Variants in FICD observed in about 807,000 individuals in gnomAD.
FICD encodes the protein FIC domain protein adenylyltransferase, also known as protein adenylyltransferase FICD.
A neutral mutation model predicts 28.0 loss-of-function variants in FICD; 13 were observed. The ratio of observed to expected loss-of-function variants is 0.46; its 90% CI spans 0.30 to 0.74. The LOEUF (loss-of-function observed/expected upper bound fraction) is 0.74, where lower values mean the gene tolerates loss of function less well. Ranked by LOEUF, FICD falls within the 30% of genes least tolerant of loss-of-function variation. The pLI is 0.07. For missense variants in FICD, 576 were observed against 624.5 expected (o/e 0.92, Z 0.83); for synonymous variants, 268 against 266.4 (o/e 1.01, Z -0.06).
At position 108,519,661 on chromosome 12, in the gene FICD, A is replaced by C; in HGVS notation, c.*186A>C. 1.8e-6 allele frequency: 1 copy of C among 548,506 alleles called. No individual in the cohort carries two copies. Among genetic ancestry groups the C allele is most frequent in the Non-Finnish European group, 3.2e-6 (1 of 315,132 alleles). The allele number at this position is 548,506 out of a possible 1,614,324, so 34.0% of individuals were successfully genotyped here. A position where few individuals can be genotyped will look rare whatever the true frequency, so the allele number is the denominator to read the frequency against. ...TGTCTCTAAAATAACTTATAATTCA[A>C]CCAAGCTATTTATTTTCTTCTTTGG... On this transcript the variant is annotated 3_prime_UTR_variant, in exon 3 of 3. Transcript: ENST00000552695. This position sits in a 1 kb window ranked among gnomAD's most constrained non-coding sequence, Gnocchi z 4.5.
rs759715090 is a variant in FICD at position 108,518,854 on chromosome 12, C to T, written c.756C>T (p.Ala252=). ...GGCACATCCTGGAGACCCGCTACGC[C>T]GTGCCCGGGAAGAGCCTGGAGGAGC... The part of the protein sequence containing the change: ...EIRHILETRY[A]VPGKSLEEQN... Residue 252 remains alanine, a synonymous_variant, in exon 3 of 3, where the codon GCC becomes GCT. Transcript: ENST00000552695. The surrounding 1 kb of genome is among the most constrained non-coding windows in gnomAD (Gnocchi z 4.4). The T allele has an allele frequency of 2.0e-5, 33 of 1,614,040 alleles. No homozygotes were observed. Among genetic ancestry groups the T allele is most frequent in the South Asian group, 1.5e-4 (14 of 91,090 alleles).
In FICD at chr12:108,519,706, T is replaced by C; in HGVS notation, c.*231T>C. On this transcript the variant is annotated 3_prime_UTR_variant, in exon 3 of 3. Coordinates refer to ENST00000552695, the MANE Select transcript of FICD (RefSeq NM_007076.3). This position sits in a 1 kb window ranked among gnomAD's most constrained non-coding sequence, Gnocchi z 4.5. ...CTTTGGAGCAAGCTAGTCAGTATTGTATGGTGTCTGCTGTGTCTTGCTGGT... is the reference window on the plus strand; with the variant it reads ...CTTTGGAGCAAGCTAGTCAGTATTGCATGGTGTCTGCTGTGTCTTGCTGGT... The C allele has an allele frequency of 2.1e-6, 1 of 474,024 alleles. No individual in the cohort carries two copies. Among genetic ancestry groups the C allele is most frequent in the African/African-American group, 2.0e-5 (1 of 50,636 alleles). The allele number at this position is 474,024 out of a possible 1,614,324, so 29.4% of individuals were successfully genotyped here. A position where few individuals can be genotyped will look rare whatever the true frequency, so the allele number is the denominator to read the frequency against.
rs139753560 is a variant in FICD at position 108,519,140 on chromosome 12, C to G, written c.1042C>G (p.Pro348Ala). ...CTCCGAGGAAGCCATGAACCTGCAC[C>G]CAGTGGAGTTTGCAGCCTTAGCCCA... The part of the protein sequence containing the change: ...LNSEEAMNLH[P>A]VEFAALAHYK... The change falls in exon 3 of 3, where the codon CCA becomes GCA. Residue 348 changes from proline (P) to alanine (A), a missense_variant. By Grantham distance (27) the Pro-to-Ala change is conservative. Coordinates refer to ENST00000552695, the MANE Select transcript of FICD (RefSeq NM_007076.3). The surrounding 1 kb of genome is among the most constrained non-coding windows in gnomAD (Gnocchi z 4.5). 3.1e-4 allele frequency: 499 copies of G among 1,614,232 alleles called. 2 individuals are homozygous for G. The East Asian group carries it at 7.9e-3, about 26-fold the overall frequency.
At position 108,519,612 on chromosome 12, in the gene FICD, A is replaced by G. The variant is rs1872041086; in HGVS notation, c.*137A>G. The G allele has an allele frequency of 2.0e-5, 12 of 586,826 alleles. No homozygotes were observed. The South Asian group carries it at 3.0e-4, about 15-fold the overall frequency. 36.4% of individuals were successfully genotyped at this position (586,826 alleles called of 1,614,324 possible). ...TCCAAATGTTTTAGTTTTAAAAAAAAAAAAAAACTAAGTTATGAAGCCTTG... is the reference window on the plus strand; with the variant it reads ...TCCAAATGTTTTAGTTTTAAAAAAAGAAAAAAACTAAGTTATGAAGCCTTG... On this transcript the variant is annotated 3_prime_UTR_variant, in exon 3 of 3. Transcript: ENST00000552695. The surrounding 1 kb of genome is among the most constrained non-coding windows in gnomAD (Gnocchi z 4.5).
At position 108,519,272 on chromosome 12, in the gene FICD, C is replaced by G; in HGVS notation, c.1174C>G (p.Arg392Gly). Reference sequence around the variant, plus strand: ...GGCGGGCTACCCGCCCATCACCATCCGCAAGGAGCAGCGGTCCGACTACTA... The same window carrying G: ...GGCGGGCTACCCGCCCATCACCATCGGCAAGGAGCAGCGGTCCGACTACTA... ...MQAGYPPITI[R>G]KEQRSDYYHV... Residue 392 changes from arginine to glycine, a missense_variant, in exon 3 of 3, where the codon CGC becomes GGC. Coordinates refer to ENST00000552695, the MANE Select transcript of FICD (RefSeq NM_007076.3). This position sits in a 1 kb window ranked among gnomAD's most constrained non-coding sequence, Gnocchi z 4.5. 1 of 1,614,262 alleles carries G rather than the reference C, an allele frequency of 6.2e-7. No individual in the cohort carries two copies. The highest frequency in any genetic ancestry group is 8.5e-7 in the Non-Finnish European group (1 of 1,180,050).
Position 108,517,112 on chromosome 12 carries a change from T to C in FICD, c.140T>C (p.Val47Ala). The C allele has an allele frequency of 6.2e-7, 1 of 1,610,394 alleles. No homozygotes were observed. The highest frequency in any genetic ancestry group is 2.2e-5 in the East Asian group (1 of 44,796). ...LLALLLPLGA[V>A]EEQCLAVLKG... ...GCCCTGCTGCTGCCGCTGGGGGCTG[T>C]GGAGGAGCAGTGCTTGGCTGTGCTC... is the stretch of plus-strand genomic sequence containing the variant. The change falls in exon 2 of 3, where the codon GTG becomes GCG. Residue 47 changes from valine (V) to alanine (A), a missense_variant. Val to Ala is a moderately conservative substitution (Grantham distance 64, BLOSUM62 0). Coordinates refer to ENST00000552695, the MANE Select transcript of FICD (RefSeq NM_007076.3).
chr12:108,519,863 G>A lies in FICD; in HGVS notation c.*388G>A. ...AGAGCCACTGACATAACTCCTCCAAGTGCTTCTCTGAAACAGGCTGAGAGG... is the reference window on the plus strand; with the variant it reads ...AGAGCCACTGACATAACTCCTCCAAATGCTTCTCTGAAACAGGCTGAGAGG... On this transcript the variant is annotated 3_prime_UTR_variant, in exon 3 of 3. Transcript: ENST00000552695. This position sits in a 1 kb window ranked among gnomAD's most constrained non-coding sequence, Gnocchi z 4.5. 6.1e-6 allele frequency: 1 copy of A among 163,560 alleles called. No individual in the cohort carries two copies. Among genetic ancestry groups the A allele is most frequent in the Non-Finnish European group, 1.3e-5 (1 of 75,808 alleles). The allele number at this position is 163,560 out of a possible 1,614,324, so 10.1% of individuals were successfully genotyped here.
rs1185252341 is a variant in FICD, at chr12:108,520,837, CTTTGAT to C, written c.*1365_*1370del. The stretch of plus-strand genomic sequence containing the variant: ...TGATGGCGAATACGCAGTGTTGTCT[CTTTGAT>C]TTGGTAATTCCGTTCCTGACAGTAA... On this transcript the variant is annotated 3_prime_UTR_variant, in exon 3 of 3. Coordinates refer to ENST00000552695, the MANE Select transcript of FICD (RefSeq NM_007076.3). The C allele has an allele frequency of 1.3e-5, 2 of 152,216 alleles. No homozygotes were observed. Among genetic ancestry groups the C allele is most frequent in the Non-Finnish European group, 2.9e-5 (2 of 68,046 alleles). The allele number at this position is 152,216 out of a possible 1,614,324, so 9.4% of individuals were successfully genotyped here.
Position 108,519,526 on chromosome 12 carries a change from A to T in FICD, c.*51A>T. On this transcript the variant is annotated 3_prime_UTR_variant, in exon 3 of 3. Transcript: ENST00000552695. This position sits in a 1 kb window ranked among gnomAD's most constrained non-coding sequence, Gnocchi z 4.5. ...CTGTCCTGAGGTAGGAAAAAAAAAA[A>T]GAAACAGCATTTCTAGAAACCTAGT... The T allele has an allele frequency of 8.4e-7, 1 of 1,184,704 alleles. No homozygotes were observed. The highest frequency in any genetic ancestry group is 1.2e-6 in the Non-Finnish European group (1 of 851,530). The allele number at this position is 1,184,704 out of a possible 1,614,324, so 73.4% of individuals were successfully genotyped here.
chr12:108,516,545 G>A (rs1272851052), intron 1 of FICD, among the ~76,000 whole-genome samples: 6 of 152,168 alleles, frequency 3.9e-5, no homozygotes, highest in Admixed American at 6.5e-5. Context: ...CGAGACTTTC[G>A]GCAAGGGACT....
chr12:108,517,168 G>C lies in FICD; in HGVS notation c.196G>C (p.Asp66His), dbSNP rs566200700. Reference sequence around the variant, plus strand: ...CCTCTACCTGCTCAGGAGCAAACCGGACAGGGCGCAGCATGCCGCCACCAA... The same window carrying C: ...CCTCTACCTGCTCAGGAGCAAACCGCACAGGGCGCAGCATGCCGCCACCAA... ...KGLYLLRSKP[D>H]RAQHAATKCT... Residue 66 changes from aspartate to histidine, a missense_variant, in exon 2 of 3, where the codon GAC becomes CAC. By Grantham distance (81) the Asp-to-His change is moderately conservative (BLOSUM62 -1). Transcript: ENST00000552695. The C allele has an allele frequency of 1.2e-5, 19 of 1,604,282 alleles. No homozygotes were observed. In the South Asian group the frequency reaches 2.0e-4, roughly 17 times the overall value.
Position 108,521,066 on chromosome 12 carries a change from C to T in FICD, c.*1591C>T, listed in dbSNP as rs1368626840. On this transcript the variant is annotated 3_prime_UTR_variant, in exon 3 of 3. Coordinates refer to ENST00000552695, the MANE Select transcript of FICD (RefSeq NM_007076.3). The stretch of plus-strand genomic sequence containing the variant: ...CAGAGGTACTTCTTAAAACTCTTCT[C>T]GTCTTGGTTTTATAAGCACACCACG... 1.3e-5 allele frequency: 2 copies of T among 152,180 alleles called. No individual in the cohort carries two copies. Among genetic ancestry groups the T allele is most frequent in the Non-Finnish European group, 2.9e-5 (2 of 68,036 alleles). The allele number at this position is 152,180 out of a possible 1,614,324, so 9.4% of individuals were successfully genotyped here.
At position 108,518,739 on chromosome 12, in the gene FICD, C is replaced by G. The variant is rs748941881; in HGVS notation, c.641C>G (p.Ala214Gly). The G allele has an allele frequency of 7.4e-6, 12 of 1,614,072 alleles. No individual in the cohort carries two copies. The highest frequency in any genetic ancestry group is 5.0e-5 in the Admixed American group (3 of 59,992). Residue 214 changes from alanine to glycine, a missense_variant, in exon 3 of 3, where the codon GCT becomes GGT. Ala to Gly is a moderately conservative substitution (Grantham distance 60, BLOSUM62 0). Coordinates refer to ENST00000552695, the MANE Select transcript of FICD (RefSeq NM_007076.3). The surrounding 1 kb of genome is among the most constrained non-coding windows in gnomAD (Gnocchi z 4.4). Reference protein sequence around the residue: ...KVMSIPKGNSALRRVMEETYY... With the variant: ...KVMSIPKGNSGLRRVMEETYY... ...ATGTCCATCCCCAAGGGGAACTCAGCTCTGCGCAGGGTCATGGAGGAGACC... is the reference window on the plus strand; with the variant it reads ...ATGTCCATCCCCAAGGGGAACTCAGGTCTGCGCAGGGTCATGGAGGAGACC...
Position 108,518,280 on chromosome 12 carries a change from G to A in FICD, c.302-120G>A, listed in dbSNP as rs1218912581. 1 of 838,770 alleles carries A rather than the reference G, an allele frequency of 1.2e-6. No homozygotes were observed. The highest frequency in any genetic ancestry group is 1.4e-5 in the South Asian group (1 of 71,106). The allele number at this position is 838,770 out of a possible 1,614,324, so 52.0% of individuals were successfully genotyped here. A position where few individuals can be genotyped will look rare whatever the true frequency, so the allele number is the denominator to read the frequency against. On this transcript the variant is annotated intron_variant, in intron 2 of 2. Transcript: ENST00000552695. This position sits in a 1 kb window ranked among gnomAD's most constrained non-coding sequence, Gnocchi z 4.4. ...ATGCGGCTGCAACAAGCTCCTCAAG[G>A]CCAGGGACACAGGCTGGTCATCATG...
In FICD at chr12:108,519,031, A is replaced by G; in HGVS notation, c.933A>G (p.Thr311=). ...VDPVEAGRFR[T]TQVLVGHHIP... is the part of the protein sequence containing the mutation. ...CCGTGGAAGCCGGCAGGTTTCGGAC[A>G]ACACAGGTCCTGGTCGGACACCACA... Residue 311 remains threonine (T), a synonymous_variant, in exon 3 of 3, where the codon ACA becomes ACG. Transcript: ENST00000552695. This position sits in a 1 kb window ranked among gnomAD's most constrained non-coding sequence, Gnocchi z 4.5. The G allele has an allele frequency of 6.2e-7, 1 of 1,614,224 alleles. No individual in the cohort carries two copies. The highest frequency in any genetic ancestry group is 8.5e-7 in the Non-Finnish European group (1 of 1,180,032).
rs1005862338 is a variant in FICD, at chr12:108,520,934, T to C, written c.*1459T>C. The stretch of plus-strand genomic sequence containing the variant: ...TGTATAAATAGCACAGAGTAGTTTT[T>C]GAAAGGTTAAGAAAAATAAGTGAAA... On this transcript the variant is annotated 3_prime_UTR_variant, in exon 3 of 3. Transcript: ENST00000552695. The C allele has an allele frequency of 6.6e-6, 1 of 152,246 alleles. No homozygotes were observed. Among genetic ancestry groups the C allele is most frequent in the African/African-American group, 2.4e-5 (1 of 41,472 alleles). 9.4% of individuals were successfully genotyped at this position (152,246 alleles called of 1,614,324 possible). A position where few individuals can be genotyped will look rare whatever the true frequency, so the allele number is the denominator to read the frequency against.
chr12:108,519,516 A>G lies in FICD; in HGVS notation c.*41A>G, dbSNP rs750509039. ...GTGACAAAGGCTGTCCTGAGGTAGGAAAAAAAAAAAGAAACAGCATTTCTA... is the reference window on the plus strand; with the variant it reads ...GTGACAAAGGCTGTCCTGAGGTAGGGAAAAAAAAAAGAAACAGCATTTCTA... On this transcript the variant is annotated 3_prime_UTR_variant, in exon 3 of 3. Transcript: ENST00000552695. The surrounding 1 kb of genome is among the most constrained non-coding windows in gnomAD (Gnocchi z 4.5). The G allele has an allele frequency of 8.1e-6, 5 of 618,646 alleles. No individual in the cohort carries two copies. The South Asian group carries it at 1.9e-4, about 23-fold the overall frequency. 38.3% of individuals were successfully genotyped at this position (618,646 alleles called of 1,614,324 possible). A position where few individuals can be genotyped will look rare whatever the true frequency, so the allele number is the denominator to read the frequency against.
At position 108,518,181 on chromosome 12, in the gene FICD, A is replaced by G. The variant is rs1396574253; in HGVS notation, c.302-219A>G. The G allele has an allele frequency of 7.1e-6, 5 of 702,866 alleles. No individual in the cohort carries two copies. The highest frequency in any genetic ancestry group is 1.5e-5 in the South Asian group (1 of 67,608). 43.5% of individuals were successfully genotyped at this position (702,866 alleles called of 1,614,324 possible). On this transcript the variant is annotated intron_variant, in intron 2 of 2. Coordinates refer to ENST00000552695, the MANE Select transcript of FICD (RefSeq NM_007076.3). This position sits in a 1 kb window ranked among gnomAD's most constrained non-coding sequence, Gnocchi z 4.4. ...AGAATACAAGAGAGTGGCTCTGGGG[A>G]CACACGGATAGTGACTGCATACCAC...
rs543036911 is a variant in FICD at position 108,519,085 on chromosome 12, G to A, written c.987G>A (p.Lys329=). 1 of 1,614,246 alleles carries A rather than the reference G, an allele frequency of 6.2e-7. No individual in the cohort carries two copies. The highest frequency in any genetic ancestry group is 8.5e-7 in the Non-Finnish European group (1 of 1,180,040). Residue 329 remains lysine (K), a synonymous_variant, in exon 3 of 3, where the codon AAG becomes AAA. Coordinates refer to ENST00000552695, the MANE Select transcript of FICD (RefSeq NM_007076.3). The surrounding 1 kb of genome is among the most constrained non-coding windows in gnomAD (Gnocchi z 4.5). ...CTCCCCATCCGCAGGATGTGGAAAA[G>A]CAGATGCAGGAGTTTGTACAGTGGC... ...HIPPHPQDVE[K]QMQEFVQWLN... is the part of the protein sequence containing the mutation.
Sources: gnomAD v4.1 joint callset for allele counts (sites outside exome capture counted in the v4.1 genomes callset) on GRCh38, gnomAD v4.1.1 for gene constraint, Gnocchi (gnomAD v3.1) non-coding constraint, MANE v1.5 for transcripts, NCBI Gene and HGNC (gene_info 2026-07-23, HGNC 2026-07-21) for gene names.